PARD3B: variants seen among roughly 807,000 people sequenced by gnomAD.
The protein encoded by PARD3B is par-3 family cell polarity regulator beta.
PARD3B carries 103 observed loss-of-function variants against 130.2 expected under a neutral mutation model. The ratio of observed to expected loss-of-function variants is 0.79; its 90% CI spans 0.67 to 0.93. The LOEUF (loss-of-function observed/expected upper bound fraction) is 0.93. PARD3B is among the 40% of genes least tolerant of loss of function. The probability of loss-of-function intolerance (pLI) is 0.00; values close to 1 mark genes in which losing one functional copy is unlikely to be tolerated. For missense variants in PARD3B, 1,609 were observed against 1,499.2 expected (o/e 1.07, Z -1.21); for synonymous variants, 583 against 553.2 (o/e 1.05, Z -0.76).
At chr2:205,597,760 C>A (rs2054622703) in intron 22 of PARD3B, among the ~76,000 whole-genome samples, 1 of 152,142 alleles carries the variant, frequency 6.6e-6, no homozygotes, top group African/African-American at 2.4e-5. Context: ...TGAAGGGAAA[C>A]CCCATAAGGC....
At chr2:204,973,946 C>T (rs1303692793) in intron 3 of PARD3B, among the ~76,000 whole-genome samples, 3 of 152,140 alleles carry the variant, frequency 2.0e-5, no homozygotes, top group Non-Finnish European at 2.9e-5. Flanking sequence ...AGATAAAAGA[C>T]AAAGACCTCC....
chr2:205,588,833 T>C (rs567220639), intron 22 of PARD3B, among the ~76,000 whole-genome samples: 2 of 152,374 alleles, frequency 1.3e-5, no homozygotes, highest in South Asian at 4.1e-4. Context: ...TCCATTGCTA[T>C]GGCCCTTGCT....
At chr2:204,936,388 T>C (rs145201795) in intron 2 of PARD3B, among the ~76,000 whole-genome samples, 2,853 of 152,354 alleles carry the variant, frequency 0.019, 51 homozygotes, top group East Asian at 0.052. Flanking sequence ...ATATTGTTGA[T>C]CAATCTATTA....
intron 1 of PARD3B, among the ~76,000 whole-genome samples, chr2:204,614,469 T>G (rs1025423388): frequency 2.0e-5 from 3 of 152,170 alleles, no homozygotes; most frequent in African/African-American, 7.2e-5. Context: ...GTGAGTTATA[T>G]CTACTAATAT....
chr2:205,067,811 A>G (rs1337397998), intron 4 of PARD3B, among the ~76,000 whole-genome samples: 1 of 152,200 alleles, frequency 6.6e-6, no homozygotes, highest in African/African-American at 2.4e-5. Context: ...AATTCCATGA[A>G]TACATTTTCT....
chr2:205,125,459 G>T lies in PARD3B; in HGVS notation c.1306-150G>T. The T allele has an allele frequency of 1.3e-6, 1 of 775,310 alleles. No individual in the cohort carries two copies. Among genetic ancestry groups the T allele is most frequent in the Non-Finnish European group, 2.0e-6 (1 of 500,210 alleles). The allele number at this position is 775,310 out of a possible 1,614,324, so 48.0% of individuals were successfully genotyped here. On this transcript the variant is annotated intron_variant, in intron 9 of 22. Coordinates refer to ENST00000406610, the MANE Select transcript of PARD3B (RefSeq NM_001302769.2). This position sits in a 1 kb window ranked among gnomAD's most constrained non-coding sequence, Gnocchi z 4.0. ...ATGATGATGCATTATGGGAAATATT[G>T]TTGGGTTTTGCCCATGTATTTAGTT...
At chr2:204,825,572 C>T (rs1428559224) in intron 2 of PARD3B, among the ~76,000 whole-genome samples, 1 of 152,196 alleles carries the variant, frequency 6.6e-6, no homozygotes, top group Non-Finnish European at 1.5e-5. Flanking sequence ...TTTCATTGCA[C>T]ATAGCAGCAA....
chr2:205,113,317 G>A (rs1703775348), intron 5 of PARD3B, among the ~76,000 whole-genome samples, 174 bp from the exon 6 acceptor site: 1 of 151,814 alleles, frequency 6.6e-6, no homozygotes, highest in South Asian at 2.1e-4. Context: ...TTGTTTTCTG[G>A]ATCATCTGAA....
Position 205,421,898 on chromosome 2 carries a change from TTC to T in PARD3B, c.2742-18465_2742-18464del, listed in dbSNP as rs2046985055. Among the ~76,000 whole-genome samples, 1 of 152,200 alleles carries T rather than the reference TTC, an allele frequency of 6.6e-6. No homozygotes were observed. The highest frequency in any genetic ancestry group is 1.5e-5 in the Non-Finnish European group (1 of 68,024). On this transcript the variant is annotated intron_variant, in intron 19 of 22. Transcript: ENST00000406610. The surrounding 1 kb of genome is among the most constrained non-coding windows in gnomAD (Gnocchi z 5.1). The stretch of plus-strand genomic sequence containing the variant: ...TCTCTGCTTCCGTTGTCACTTGGCC[TTC>T]TCTCTCAGACCTTGCTTTGTCTGTT...
intron 15 of PARD3B, among the ~76,000 whole-genome samples, chr2:205,198,077 C>A (rs1023990054): frequency 1.3e-5 from 2 of 152,218 alleles, no homozygotes; most frequent in Non-Finnish European, 2.9e-5. Context: ...AAAGATAGCA[C>A]TTCAGTTTGT....
chr2:205,494,518 A>T (rs1434095581), intron 20 of PARD3B, among the ~76,000 whole-genome samples: 13 of 152,202 alleles, frequency 8.5e-5, no homozygotes, highest in Admixed American at 8.5e-4. Context: ...GAGATATAAT[A>T]TTAATTGCCC....
intron 19 of PARD3B, among the ~76,000 whole-genome samples, chr2:205,403,814 C>T (rs1420589207): frequency 1.3e-5 from 2 of 152,170 alleles, no homozygotes; most frequent in East Asian, 1.9e-4. Context: ...AAATGATACA[C>T]AGGATTTTTT....
intron 18 of PARD3B, among the ~76,000 whole-genome samples, chr2:205,345,073 C>A (rs1447552198): frequency 6.6e-6 from 1 of 152,146 alleles, no homozygotes; most frequent in Non-Finnish European, 1.5e-5. Flanking sequence ...AAAGTGATAT[C>A]TTTTCCTCAC....
At chr2:205,109,380 A>T (rs1251742857) in intron 5 of PARD3B, among the ~76,000 whole-genome samples, 4 of 152,208 alleles carry the variant, frequency 2.6e-5, no homozygotes, top group African/African-American at 9.6e-5. Flanking sequence ...TCTGCATGTC[A>T]GCAGTCTGAT....
intron 15 of PARD3B, among the ~76,000 whole-genome samples, chr2:205,227,662 A>C (rs2038630105): frequency 6.6e-6 from 1 of 152,098 alleles, no homozygotes; most frequent in South Asian, 2.1e-4. Flanking sequence ...TGATTAGAGA[A>C]TGTAGTCCAC....
At chr2:205,489,885 C>T (rs2049624618) in intron 20 of PARD3B, among the ~76,000 whole-genome samples, 1 of 152,112 alleles carries the variant, frequency 6.6e-6, no homozygotes. Flanking sequence ...AGAAGCCAGC[C>T]TTGCATTGCC....
intron 3 of PARD3B, among the ~76,000 whole-genome samples, chr2:204,989,409 A>G (rs530182333): frequency 1.3e-5 from 2 of 152,272 alleles, no homozygotes; most frequent in East Asian, 3.9e-4. Context: ...ACATTTTACT[A>G]GAGGCCAGCG....
At chr2:204,868,864 A>G (rs1449504054) in intron 2 of PARD3B, among the ~76,000 whole-genome samples, 1 of 152,142 alleles carries the variant, frequency 6.6e-6, no homozygotes, top group East Asian at 1.9e-4. Context: ...GATCCCATGC[A>G]ATGGCAATTA....
intron 1 of PARD3B, among the ~76,000 whole-genome samples, chr2:204,580,090 C>T (rs1174875587): frequency 6.6e-6 from 1 of 152,184 alleles, no homozygotes; most frequent in Non-Finnish European, 1.5e-5. Context: ...CAGTCCTTGA[C>T]CCAGGGGGAC....
Sources: allele counts gnomAD v4.1 joint callset (sites outside exome capture counted in the v4.1 genomes callset), GRCh38; gene constraint gnomAD v4.1.1; non-coding constraint Gnocchi (gnomAD v3.1); transcripts MANE v1.5; gene names NCBI Gene and HGNC (gene_info 2026-07-23, HGNC 2026-07-21).